The following TRHDE variants were observed in gnomAD, a reference collection of about 807,000 sequenced individuals.
The protein encoded by TRHDE is thyrotropin releasing hormone degrading enzyme.
Under a neutral mutation model 125.7 loss-of-function variants are expected in TRHDE, and 72 were observed. The observed-to-expected ratio is 0.57, with a 90% CI of 0.47 to 0.70. The LOEUF (loss-of-function observed/expected upper bound fraction) is 0.70. TRHDE is among the 30% of genes least tolerant of loss of function. The probability of loss-of-function intolerance (pLI) is 0.00; values close to 1 mark genes in which losing one functional copy is unlikely to be tolerated. For missense variants in TRHDE, 1,110 were observed against 1,327.1 expected, an observed-to-expected ratio of 0.84 and a Z score of 2.54; for synonymous variants, 509 against 509.1, an observed-to-expected ratio of 1.00 and a Z score of 0.00.
At chr12:72,348,386 A>C (rs56078393) in intron 2 of TRHDE, among the ~76,000 whole-genome samples, 1 of 151,998 alleles carries the variant, frequency 6.6e-6, no homozygotes, top group African/African-American at 2.4e-5. Context: ...CTGGTGAGGC[A>C]GTTAATCGCT....
At chr12:72,610,473 A>C (rs1341244415) in intron 12 of TRHDE, among the ~76,000 whole-genome samples, 1 of 152,164 alleles carries the variant, frequency 6.6e-6, no homozygotes, top group Non-Finnish European at 1.5e-5. Flanking sequence ...AGCCAGAGTC[A>C]CCCTTTTAAA....
chr12:72,130,750 T>TTAAG (rs879627331), intron 2 of TRHDE, among the ~76,000 whole-genome samples: 5 of 152,162 alleles, frequency 3.3e-5, no homozygotes, highest in Admixed American at 6.5e-5. Context: ...GGTATGGCTA[T>TTAAG]TAAGTACAGG....
intron 2 of TRHDE, among the ~76,000 whole-genome samples, chr12:72,126,027 C>T (rs1260622416): frequency 6.6e-6 from 1 of 152,092 alleles, no homozygotes; most frequent in East Asian, 1.9e-4. Context: ...GGGAGGGTGT[C>T]CTTGAGTATT....
At chr12:72,088,929 A>G (rs1435271639) in intron 1 of TRHDE, among the ~76,000 whole-genome samples, 1 of 151,986 alleles carries the variant, frequency 6.6e-6, no homozygotes, top group Non-Finnish European at 1.5e-5. Context: ...CTTTCTTCCA[A>G]ACTTCAGACC....
intron 3 of TRHDE, among the ~76,000 whole-genome samples, chr12:72,403,054 A>G (rs1245353163): frequency 6.6e-6 from 1 of 152,192 alleles, no homozygotes; most frequent in African/African-American, 2.4e-5. Flanking sequence ...TCTGGTACCT[A>G]TGATGGGCAC....
At chr12:72,264,528 T>G (rs1308405637) in intron 2 of TRHDE, 1 of 151,990 alleles carries the variant, frequency 6.6e-6, no homozygotes, top group Non-Finnish European at 1.5e-5. Flanking sequence ...GAATATCGAT[T>G]TTTGTGTAGA....
chr12:72,480,343 A>G (rs2012348), intron 5 of TRHDE, among the ~76,000 whole-genome samples: 11,463 of 151,334 alleles, frequency 0.076, 592 homozygotes, highest in East Asian at 0.29. Context: ...TGACTTTTTA[A>G]TGATTGCCAT....
chr12:72,342,118 G>T (rs1870112135), intron 2 of TRHDE, among the ~76,000 whole-genome samples: 1 of 151,950 alleles, frequency 6.6e-6, no homozygotes, highest in Admixed American at 6.6e-5. Flanking sequence ...ATTAGAGAAA[G>T]AATTGCCCAT....
intron 2 of TRHDE, among the ~76,000 whole-genome samples, chr12:72,377,257 T>C (rs2135774218): frequency 6.6e-6 from 1 of 151,886 alleles, no homozygotes; most frequent in Middle Eastern, 3.4e-3. Flanking sequence ...TTTAACCTTT[T>C]CCATACAATT....
At chr12:72,104,838 A>G (rs549667444) in intron 1 of TRHDE, among the ~76,000 whole-genome samples, 1 of 152,322 alleles carries the variant, frequency 6.6e-6, no homozygotes, top group Non-Finnish European at 1.5e-5. Flanking sequence ...AGTGGGTAGA[A>G]CTAGCTTCAG....
At chr12:72,206,373 G>A (rs554248894) in intron 2 of TRHDE, among the ~76,000 whole-genome samples, 5 of 152,168 alleles carry the variant, frequency 3.3e-5, no homozygotes, top group Admixed American at 1.3e-4. Flanking sequence ...GATTATAGGT[G>A]TGAGCCACCA....
At chr12:72,313,724 GC>G (rs1467206221) in intron 2 of TRHDE, among the ~76,000 whole-genome samples, 3 of 152,158 alleles carry the variant, frequency 2.0e-5, no homozygotes, top group African/African-American at 7.2e-5. Context: ...TCTTGTGAAA[GC>G]TTTTGTTCAA....
chr12:72,319,993 A>T, intron 2 of TRHDE, among the ~76,000 whole-genome samples: 1 of 152,020 alleles, frequency 6.6e-6, no homozygotes, highest in African/African-American at 2.4e-5. Flanking sequence ...TATGGTACTG[A>T]TAATACTTCT....
At chr12:72,377,893 T>G in intron 2 of TRHDE, 102 bp from the exon 3 acceptor site, 1 of 817,974 alleles carries the variant, frequency 1.2e-6, no homozygotes, top group Non-Finnish European at 1.8e-6. Flanking sequence ...CCTGTTTAAG[T>G]TTTGTAGTAT....
intron 5 of TRHDE, among the ~76,000 whole-genome samples, chr12:72,492,983 A>G (rs1409529260): frequency 6.6e-6 from 1 of 151,912 alleles, no homozygotes; most frequent in East Asian, 1.9e-4. Flanking sequence ...CTATATGTGT[A>G]TCTGTCTTTC....
At chr12:72,604,312 GT>G (rs904461545) in intron 12 of TRHDE, among the ~76,000 whole-genome samples, 1 of 151,350 alleles carries the variant, frequency 6.6e-6, no homozygotes, top group African/African-American at 2.4e-5. Flanking sequence ...CAGGTGTTAA[GT>G]TTTTTTTTAA....
chr12:72,093,697 T>A (rs1218576704), intron 1 of TRHDE, among the ~76,000 whole-genome samples: 1 of 152,216 alleles, frequency 6.6e-6, no homozygotes, highest in Non-Finnish European at 1.5e-5. Flanking sequence ...TAGTTCTTTG[T>A]TAAACTTTTC....
chr12:72,316,984 G>A (rs925390314), intron 2 of TRHDE, among the ~76,000 whole-genome samples: 1 of 152,112 alleles, frequency 6.6e-6, no homozygotes, highest in Non-Finnish European at 1.5e-5. Flanking sequence ...CAAAAGAAGA[G>A]TTTATGTGTT....
intron 2 of TRHDE, among the ~76,000 whole-genome samples, chr12:72,236,083 G>A (rs1415115765): frequency 1.3e-5 from 2 of 152,098 alleles, no homozygotes; most frequent in East Asian, 1.9e-4. Flanking sequence ...CAAAATTAAT[G>A]TTCATCATTT....
Sources: gnomAD v4.1 joint callset for allele counts (sites outside exome capture counted in the v4.1 genomes callset) on GRCh38, gnomAD v4.1.1 for gene constraint, MANE v1.5 for transcripts, NCBI Gene and HGNC (gene_info 2026-07-23, HGNC 2026-07-21) for gene names.